RANBP9: variants seen among roughly 807,000 people sequenced by gnomAD.
RANBP9 encodes the protein ran-binding protein 9.
RANBP9 carries 15 observed loss-of-function variants against 84.3 expected under a neutral mutation model. The ratio of observed to expected loss-of-function variants is 0.18; its 90% confidence interval spans 0.12 to 0.27. The LOEUF (loss-of-function observed/expected upper bound fraction) is 0.27, where lower values mean the gene tolerates loss of function less well. Among genes scored for constraint, RANBP9 ranks in the 10% least tolerant of loss-of-function variants. RANBP9 has a pLI of 1.00. For synonymous variants in RANBP9, 392 were observed against 349.6 expected (o/e 1.12, Z -1.35); for missense variants, 809 against 912.8 (o/e 0.89, Z 1.46).
chr6:13,669,785 G>GAAAC (rs1471587525), intron 2 of RANBP9, among the ~76,000 whole-genome samples: 1 of 152,060 alleles, frequency 6.6e-6, no homozygotes, highest in Non-Finnish European at 1.5e-5. Flanking sequence ...TACAGACAGG[G>GAAAC]TTTCTCCATG....
intron 1 of RANBP9, among the ~76,000 whole-genome samples, chr6:13,707,370 A>G (rs1758154355): frequency 6.6e-6 from 1 of 152,270 alleles, no homozygotes; most frequent in South Asian, 2.1e-4. Context: ...CTTACCTTGG[A>G]TTTCTTCTAA....
At chr6:13,640,386 G>C (rs1033766783) in intron 8 of RANBP9, among the ~76,000 whole-genome samples, 1 of 152,084 alleles carries the variant, frequency 6.6e-6, no homozygotes, top group Non-Finnish European at 1.5e-5. Context: ...ATTACCATAT[G>C]ATCCAGAAAG....
chr6:13,693,363 G>C (rs543759020), intron 2 of RANBP9, among the ~76,000 whole-genome samples: 100 of 152,178 alleles, frequency 6.6e-4, no homozygotes, highest in African/African-American at 2.3e-3. Flanking sequence ...GAAATCACTA[G>C]AAACCTATTA....
intron 1 of RANBP9, among the ~76,000 whole-genome samples, chr6:13,705,758 G>A (rs183355772): frequency 1.6e-3 from 238 of 151,424 alleles, no homozygotes; most frequent in Non-Finnish European, 2.5e-3. Flanking sequence ...AGCTACTGGG[G>A]AGGCTGAAGC....
chr6:13,650,138 G>C (rs1252124221), intron 5 of RANBP9, among the ~76,000 whole-genome samples: 1 of 151,060 alleles, frequency 6.6e-6, no homozygotes, highest in African/African-American at 2.4e-5. Context: ...TAATGCGGCA[G>C]GGTTTTTTGT....
chr6:13,630,575 G>A lies in RANBP9; in HGVS notation c.1947+1795C>T, dbSNP rs115503791. On this transcript the variant is annotated intron_variant, in intron 12 of 13. Transcript: ENST00000011619. ...ATGCCCTAAAACAACAGTACTCAAA[G>A]TATGATTCAGGGACACCTGGGTCCA... Among the ~76,000 whole-genome samples the A allele has an allele frequency of 4.7e-3, 715 of 151,518 alleles. 5 individuals are homozygous for A. Among genetic ancestry groups the A allele is most frequent in the African/African-American group, 0.016 (667 of 41,292 alleles).
intron 2 of RANBP9, among the ~76,000 whole-genome samples, chr6:13,692,353 T>C (rs1766340817): frequency 7.1e-6 from 1 of 141,654 alleles, no homozygotes; most frequent in Non-Finnish European, 1.5e-5. Flanking sequence ...TTGGCCAACA[T>C]GGCAAAACAC....
chr6:13,699,904 T>C (rs568696220), intron 1 of RANBP9, among the ~76,000 whole-genome samples: 1 of 152,156 alleles, frequency 6.6e-6, no homozygotes, highest in Non-Finnish European at 1.5e-5. Flanking sequence ...CTGAAAGCAT[T>C]TTGAATTTCA....
intron 5 of RANBP9, among the ~76,000 whole-genome samples, chr6:13,649,330 G>A (rs1490044294): frequency 6.6e-6 from 1 of 152,086 alleles, no homozygotes; most frequent in Non-Finnish European, 1.5e-5. Flanking sequence ...ATTCAAAAGT[G>A]GGAGAGAAAA....
intron 3 of RANBP9, 82 bp from the exon 4 acceptor site, chr6:13,657,358 C>T: frequency 1.7e-6 from 2 of 1,170,852 alleles, no homozygotes; most frequent in Non-Finnish European, 2.4e-6. Context: ...TATGATAAAT[C>T]AGAACAGTAC....
intron 4 of RANBP9, among the ~76,000 whole-genome samples, chr6:13,654,158 GGTTAACATTTTTT>G (rs1765352493): frequency 6.6e-6 from 1 of 151,952 alleles, no homozygotes; most frequent in African/African-American, 2.4e-5. Context: ...TAATTCCAAA[GGTTAACATTTTTT>G]AACACAGCCA....
chr6:13,702,584 CAG>C (rs1387765100), intron 1 of RANBP9, among the ~76,000 whole-genome samples: 2 of 152,170 alleles, frequency 1.3e-5, no homozygotes, highest in Non-Finnish European at 2.9e-5. Flanking sequence ...AGAAATGACA[CAG>C]TGGTCTCTAA....
intron 1 of RANBP9, among the ~76,000 whole-genome samples, chr6:13,706,266 C>G (rs1364896853): frequency 6.6e-6 from 1 of 152,180 alleles, no homozygotes; most frequent in Non-Finnish European, 1.5e-5. Flanking sequence ...ATGGCGTGAA[C>G]GCGGGAGGCG....
At position 13,680,113 on chromosome 6, in the gene RANBP9, G is replaced by C. The variant is rs550572669; in HGVS notation, c.683+16672C>G. 2.0e-5 allele frequency among the ~76,000 whole-genome samples: 3 copies of C among 152,056 alleles called. No individual in the cohort carries two copies. In the South Asian group the frequency reaches 6.2e-4, roughly 32 times the overall value. On this transcript the variant is annotated intron_variant, in intron 2 of 13. Coordinates refer to ENST00000011619, the MANE Select transcript of RANBP9 (RefSeq NM_005493.3). Reference sequence around the variant, plus strand: ...CAGATCCTTTAGAATTTCTCTGGCAGGTTTTCCAGTTTTTACCAAAAAACT... The same window carrying C: ...CAGATCCTTTAGAATTTCTCTGGCACGTTTTCCAGTTTTTACCAAAAAACT...
chr6:13,649,369 T>C (rs1231883828), intron 5 of RANBP9, among the ~76,000 whole-genome samples: 3 of 151,616 alleles, frequency 2.0e-5, no homozygotes, highest in Non-Finnish European at 2.9e-5. Flanking sequence ...GCAACCAAGC[T>C]TTTTCCAAAT....
chr6:13,626,057 AG>A (rs1274718063), intron 12 of RANBP9, among the ~76,000 whole-genome samples: 1 of 152,232 alleles, frequency 6.6e-6, no homozygotes, highest in African/African-American at 2.4e-5. Flanking sequence ...GTACTGGTGT[AG>A]GGAGAGTGGA....
chr6:13,699,735 G>A (rs531425440), intron 1 of RANBP9, among the ~76,000 whole-genome samples: 6 of 152,156 alleles, frequency 3.9e-5, no homozygotes, highest in South Asian at 4.2e-4. Context: ...GGTAGTGTGC[G>A]CCTGTAATCC....
At chr6:13,661,485 T>C (rs1008931398) in intron 2 of RANBP9, among the ~76,000 whole-genome samples, 1 of 150,862 alleles carries the variant, frequency 6.6e-6, no homozygotes, top group African/African-American at 2.4e-5. Flanking sequence ...ACAACAGGCA[T>C]GTGGGAAAAA....
At chr6:13,662,858 G>A (rs1276965414) in intron 2 of RANBP9, among the ~76,000 whole-genome samples, 1 of 152,108 alleles carries the variant, frequency 6.6e-6, no homozygotes, top group African/African-American at 2.4e-5. Context: ...TGTACTTAAT[G>A]GCAGACTGAA....
Sources: allele counts gnomAD v4.1 joint callset (sites outside exome capture counted in the v4.1 genomes callset), GRCh38; gene constraint gnomAD v4.1.1; transcripts MANE v1.5; gene names NCBI Gene and HGNC (gene_info 2026-07-23, HGNC 2026-07-21).